PTCHD4: variants seen among roughly 807,000 people sequenced by gnomAD.
The protein encoded by PTCHD4 is patched domain containing 4, also known as patched domain-containing protein 4.
Under a neutral mutation model 58.1 loss-of-function variants are expected in PTCHD4, and 33 were observed. The observed-to-expected ratio is 0.57, with a 90% CI of 0.43 to 0.76. The LOEUF is 0.76. Among genes scored for constraint, PTCHD4 ranks in the 30% least tolerant of loss-of-function variants. The pLI is 0.00. For missense variants in PTCHD4, 1,058 were observed against 1,027.1 expected (o/e 1.03, Z -0.41); for synonymous variants, 478 against 409.6 (o/e 1.17, Z -2.02).
intron 3 of PTCHD4, among the ~76,000 whole-genome samples, chr6:48,021,549 A>T: frequency 6.6e-6 from 1 of 152,290 alleles, no homozygotes; most frequent in Admixed American, 6.5e-5. Context: ...TGACCAACCA[A>T]ACAATAATTA....
chr6:48,063,212 C>G (rs985093975), intron 3 of PTCHD4, among the ~76,000 whole-genome samples: 1 of 152,046 alleles, frequency 6.6e-6, no homozygotes, highest in African/African-American at 2.4e-5. Context: ...TTTGTTCTGA[C>G]TTGATAGAAA....
chr6:48,038,384 G>A (rs752625422), intron 3 of PTCHD4, among the ~76,000 whole-genome samples: 2 of 152,086 alleles, frequency 1.3e-5, no homozygotes, highest in African/African-American at 4.8e-5. Context: ...GCTCATGCCT[G>A]TAATCCCAGC....
chr6:48,066,372 T>C (rs1448064446), intron 3 of PTCHD4, among the ~76,000 whole-genome samples: 10 of 152,162 alleles, frequency 6.6e-5, no homozygotes, highest in Admixed American at 6.5e-5. Context: ...TGGAGGATAC[T>C]GTAAATACAA....
intron 4 of PTCHD4, among the ~76,000 whole-genome samples, chr6:47,930,626 C>G (rs1285035928): frequency 6.6e-6 from 1 of 152,062 alleles, no homozygotes; most frequent in Non-Finnish European, 1.5e-5. Flanking sequence ...ACACAGAGTT[C>G]TATGAAAATG....
intron 4 of PTCHD4, among the ~76,000 whole-genome samples, chr6:47,917,906 A>C (rs1765309602): frequency 6.6e-6 from 1 of 152,196 alleles, no homozygotes; most frequent in Non-Finnish European, 1.5e-5. Flanking sequence ...ACTGCAGTTG[A>C]GCAGAATTTC....
At chr6:48,077,875 A>G (rs1765089817) in intron 1 of PTCHD4, among the ~76,000 whole-genome samples, 1 of 152,204 alleles carries the variant, frequency 6.6e-6, no homozygotes, top group South Asian at 2.1e-4. Context: ...AACAATTACA[A>G]TAGTACCATC....
chr6:48,110,098 A>G (rs1039078599), intron 1 of PTCHD4, among the ~76,000 whole-genome samples: 1 of 152,192 alleles, frequency 6.6e-6, no homozygotes, highest in African/African-American at 2.4e-5. Flanking sequence ...CAGCAATTCC[A>G]CCACTGAGTA....
chr6:47,919,917 T>C (rs1481413413), intron 4 of PTCHD4, among the ~76,000 whole-genome samples: 9 of 152,070 alleles, frequency 5.9e-5, no homozygotes, highest in Non-Finnish European at 1.5e-5. Flanking sequence ...CAGTGGAATG[T>C]GGGTGGAAAT....
At chr6:47,997,743 A>G (rs1489312314) in intron 4 of PTCHD4, among the ~76,000 whole-genome samples, 33 of 152,186 alleles carry the variant, frequency 2.2e-4, no homozygotes, top group Non-Finnish European at 2.9e-5. Context: ...ATACACAAAC[A>G]CTTGCTGCAA....
chr6:47,921,654 A>G (rs1012233916), intron 4 of PTCHD4, among the ~76,000 whole-genome samples: 1 of 152,122 alleles, frequency 6.6e-6, no homozygotes, highest in African/African-American at 2.4e-5. Context: ...TAAAATATAA[A>G]CACGATGACT....
rs535373279 is a variant in PTCHD4 at position 47,987,674 on chromosome 6, T to C, written c.898+20960A>G. Among the ~76,000 whole-genome samples the C allele has an allele frequency of 1.2e-4, 18 of 152,302 alleles. No homozygotes were observed. The South Asian group carries it at 3.3e-3, about 28-fold the overall frequency. ...CAAGGGTTGCTCAAGATGAGAAGTC[T>C]TATTGAGATACCTTCTCCAATTCAA... On this transcript the variant is annotated intron_variant, in intron 4 of 4. Transcript: ENST00000339488.
intron 1 of PTCHD4, among the ~76,000 whole-genome samples, chr6:48,092,662 G>A (rs1245674029): frequency 6.6e-6 from 1 of 152,092 alleles, no homozygotes; most frequent in Non-Finnish European, 1.5e-5. Flanking sequence ...CCAAAATGGG[G>A]GTACCAAACA....
intron 1 of PTCHD4, among the ~76,000 whole-genome samples, chr6:48,083,032 A>T (rs1365065135): frequency 6.6e-6 from 1 of 151,538 alleles, no homozygotes; most frequent in East Asian, 1.9e-4. Flanking sequence ...GGGGAAAAAA[A>T]AGTAATATAA....
chr6:47,872,147 G>A lies in PTCHD4; in HGVS notation c.*6156C>T, dbSNP rs550687844. On this transcript the variant is annotated 3_prime_UTR_variant, in exon 5 of 5. Transcript: ENST00000339488. ...AGATTCTAGTAACCATATTACATTA[G>A]ATAATTTAAATGCTCCCCATAACAT... Among the ~76,000 whole-genome samples, 1 of 151,364 alleles carries A rather than the reference G, an allele frequency of 6.6e-6. No individual in the cohort carries two copies. Among genetic ancestry groups the A allele is most frequent in the African/African-American group, 2.4e-5 (1 of 41,270 alleles).
At position 47,996,231 on chromosome 6, in the gene PTCHD4, G is replaced by A. The variant is rs1280238743; in HGVS notation, c.898+12403C>T. On this transcript the variant is annotated intron_variant, in intron 4 of 4. Coordinates refer to ENST00000339488, the MANE Select transcript of PTCHD4 (RefSeq NM_001384253.1). Reference sequence around the variant, plus strand: ...GCCTGTAATCCCAGCACTTTTGGGAGGCTGAGGCGAGCGGATCACTTGAGG... The same window carrying A: ...GCCTGTAATCCCAGCACTTTTGGGAAGCTGAGGCGAGCGGATCACTTGAGG... Among the ~76,000 whole-genome samples, 8 of 152,306 alleles carry A rather than the reference G, an allele frequency of 5.3e-5. No individual in the cohort carries two copies. The East Asian group carries it at 1.5e-3, about 29-fold the overall frequency.
At chr6:47,946,333 A>G (rs1317724277) in intron 4 of PTCHD4, among the ~76,000 whole-genome samples, 1 of 152,056 alleles carries the variant, frequency 6.6e-6, no homozygotes, top group Non-Finnish European at 1.5e-5. Flanking sequence ...TTATTTTCAT[A>G]TTTCTGCCAG....
Position 48,019,735 on chromosome 6 carries a change from C to CAAA in PTCHD4, c.418-10624_418-10622dup, listed in dbSNP as rs532483894. On this transcript the variant is annotated intron_variant, in intron 3 of 4. Coordinates refer to ENST00000339488, the MANE Select transcript of PTCHD4 (RefSeq NM_001384253.1). ...TGGGTGGCAGAGCGAGACTCCGTCT[C>CAAA]AAAAAAAAAAAAAATAATAATATAT... is the stretch of plus-strand genomic sequence containing the variant. Among the ~76,000 whole-genome samples, 403 of 121,294 alleles carry CAAA rather than the reference C, an allele frequency of 3.3e-3. 2 individuals are homozygous for CAAA. The highest frequency in any genetic ancestry group is 9.2e-3 in the African/African-American group (291 of 31,570). The allele number at this position is 121,294 out of a possible 152,430, so 79.6% of individuals were successfully genotyped here.
At position 47,879,742 on chromosome 6, in the gene PTCHD4, A is replaced by G; in HGVS notation, c.1093T>C (p.Cys365Arg). ...AGAATAGAGACACACATGTTTTGAC[A>G]GAAGACCTTCACAGCCTCTATGTTT... The part of the protein sequence containing the change: ...FTNIEAVKVF[C>R]QNMCVSILLN... Residue 365 changes from cysteine to arginine, a missense_variant, in exon 5 of 5, where the codon TGT becomes CGT. Cys to Arg is a radical substitution (Grantham distance 180). Coordinates refer to ENST00000339488, the MANE Select transcript of PTCHD4 (RefSeq NM_001384253.1). 2 of 1,613,690 alleles carry G rather than the reference A, an allele frequency of 1.2e-6. No individual in the cohort carries two copies. The highest frequency in any genetic ancestry group is 1.7e-6 in the Non-Finnish European group (2 of 1,179,762).
At chr6:48,091,812 A>T (rs1222268252) in intron 1 of PTCHD4, among the ~76,000 whole-genome samples, 1 of 150,714 alleles carries the variant, frequency 6.6e-6, no homozygotes, top group African/African-American at 2.4e-5. Flanking sequence ...TGCCCAGCTA[A>T]TTTTTTTTTG....
Sources: gnomAD v4.1 joint callset for allele counts (sites outside exome capture counted in the v4.1 genomes callset) on GRCh38, gnomAD v4.1.1 for gene constraint, MANE v1.5 for transcripts, NCBI Gene and HGNC (gene_info 2026-07-23, HGNC 2026-07-21) for gene names.